CYGB: variants seen among roughly 807,000 people sequenced by gnomAD.
CYGB encodes histoglobin.
In CYGB, 13 loss-of-function variants were observed where a neutral mutation model predicts 20.7. The observed-to-expected ratio is 0.63, with a 90% confidence interval of 0.41 to 1.00. The LOEUF (loss-of-function observed/expected upper bound fraction) is 1.00, where lower values mean the gene tolerates loss of function less well. Among genes scored for constraint, CYGB ranks in the 50% least tolerant of loss-of-function variants. The pLI is 0.00. For missense variants in CYGB, 218 were observed against 257.2 expected, an observed-to-expected ratio of 0.85 and a Z score of 1.04; for synonymous variants, 93 against 107.4, an observed-to-expected ratio of 0.87 and a Z score of 0.83.
At chr17:76,540,419 T>C (rs1177613535), upstream of CYGB, 1 of 1,454,844 alleles carries the variant, frequency 6.9e-7, no homozygotes, top group Non-Finnish European at 9.7e-7. This position sits in a 1 kb window ranked among gnomAD's most constrained non-coding sequence, Gnocchi z 5.0. Context: ...TCTACTCCCA[T>C]AGCCCAATGC....
Position 76,546,201 on chromosome 17 carries a change from A to AG in CYGB, c.-53+4660dup, listed in dbSNP as rs1407018584. On this transcript the variant is annotated intron_variant, in intron 1 of 3. Coordinates refer to the CYGB transcript ENST00000589145. This position sits in a 1 kb window ranked among gnomAD's most constrained non-coding sequence, Gnocchi z 4.5. ...TGAGTGACGGGGAAAGGCTGCTTGGAGCTGCAGGGCGGCTGAGGGCAGCAA... is the reference window on the plus strand; with the variant it reads ...TGAGTGACGGGGAAAGGCTGCTTGGAGGCTGCAGGGCGGCTGAGGGCAGCAA... The AG allele has an allele frequency of 1.3e-5, 2 of 152,472 alleles. No individual in the cohort carries two copies. Among genetic ancestry groups the AG allele is most frequent in the African/African-American group, 4.8e-5 (2 of 41,502 alleles). 9.4% of individuals were successfully genotyped at this position (152,472 alleles called of 1,614,324 possible). A position where few individuals can be genotyped will look rare whatever the true frequency, so the allele number is the denominator to read the frequency against.
upstream of CYGB, chr17:76,538,156 G>T (rs888096691): frequency 6.3e-6 from 1 of 159,482 alleles, no homozygotes; most frequent in African/African-American, 2.4e-5. Context: ...GAGCTTTCGC[G>T]GCGAGGCCGA....
At chr17:76,549,507 T>TCATA (rs1205245862) in intron 1 of CYGB, among the ~76,000 whole-genome samples, 1 of 152,210 alleles carries the variant, frequency 6.6e-6, no homozygotes, top group Non-Finnish European at 1.5e-5. Context: ...TGTCACCCTG[T>TCATA]CATACACGGC....
At chr17:76,544,749 ATTC>A (rs1282057765) in intron 1 of CYGB, 7 of 456,700 alleles carry the variant, frequency 1.5e-5, no homozygotes, top group South Asian at 7.7e-5. Flanking sequence ...ATCTGCATTT[ATTC>A]TCTATTTGCC....
At chr17:76,540,386 C>A, upstream of CYGB, 3 of 1,326,482 alleles carry the variant, frequency 2.3e-6, no homozygotes, top group Admixed American at 1.7e-5. This position sits in a 1 kb window ranked among gnomAD's most constrained non-coding sequence, Gnocchi z 5.0. Context: ...GGACTTAGAG[C>A]TTCAAAGGCT....
chr17:76,531,575 C>G lies in CYGB; in HGVS notation c.260G>C (p.Gly87Ala), dbSNP rs998105163. The G allele has an allele frequency of 3.7e-6, 6 of 1,613,962 alleles. No homozygotes were observed. Among genetic ancestry groups the G allele is most frequent in the Non-Finnish European group, 5.1e-6 (6 of 1,179,910 alleles). Residue 87 changes from glycine (G) to alanine (A), a missense_variant, in exon 2 of 4, where the codon GGG (glycine) becomes GCG (alanine). Transcript: ENST00000293230. The surrounding 1 kb of genome is among the most constrained non-coding windows in gnomAD (Gnocchi z 7.4). Reference protein sequence around the residue: ...QLRKHACRVMGALNTVVENLH... With the variant: ...QLRKHACRVMAALNTVVENLH... The stretch of plus-strand genomic sequence containing the variant: ...GTTCTCCACGACAGTGTTGAGGGCC[C>G]CCATGACTCGGCAGGCGTGCTTCCG...
rs538754183 is a variant in CYGB at position 76,530,256 on chromosome 17, T to G, written c.539+723A>C. 2.0e-5 allele frequency among the ~76,000 whole-genome samples: 3 copies of G among 152,166 alleles called. 1 individual carries two copies. The South Asian group carries it at 6.2e-4, about 32-fold the overall frequency. ...TTCAGCTCCCAGAGTCAGCCTCCCC[T>G]TGGGGGCCCAGGGAGGCCGAGTGTT... On this transcript the variant is annotated intron_variant, in intron 3 of 3. Coordinates refer to ENST00000293230, the MANE Select transcript of CYGB (RefSeq NM_134268.5). The surrounding 1 kb of genome is among the most constrained non-coding windows in gnomAD (Gnocchi z 6.1).
upstream of CYGB, among the ~76,000 whole-genome samples, chr17:76,538,935 T>C (rs1304381340): frequency 6.6e-6 from 1 of 152,252 alleles, no homozygotes; most frequent in African/African-American, 2.4e-5. Flanking sequence ...CATGTATTTA[T>C]TCTTAAAATC....
At chr17:76,537,291 C>T in intron 1 of CYGB, 109 bp downstream of exon 1, 1 of 1,265,722 alleles carries the variant, frequency 7.9e-7, no homozygotes, top group Non-Finnish European at 1.0e-6. Context: ...CGGCCCCATT[C>T]GCGGCTGGGG....
rs369705030 is a variant in CYGB, at chr17:76,531,558, C to T, written c.277G>A (p.Val93Met). ...CRVMGALNTVVENLHDPDKVS... is the reference protein window; with the variant it reads ...CRVMGALNTVMENLHDPDKVS... Reference sequence around the variant, plus strand: ...TTGTCGGGGTCATGCAGGTTCTCCACGACAGTGTTGAGGGCCCCCATGACT... The same window carrying T: ...TTGTCGGGGTCATGCAGGTTCTCCATGACAGTGTTGAGGGCCCCCATGACT... The change falls in exon 2 of 4, where the codon GTG becomes ATG. Residue 93 changes from valine to methionine, a missense_variant. Coordinates refer to ENST00000293230, the MANE Select transcript of CYGB (RefSeq NM_134268.5). This position sits in a 1 kb window ranked among gnomAD's most constrained non-coding sequence, Gnocchi z 7.4. 4.7e-5 allele frequency: 76 copies of T among 1,614,054 alleles called. 2 individuals carry two copies. Among genetic ancestry groups the T allele is most frequent in the Non-Finnish European group, 6.0e-5 (71 of 1,179,986 alleles).
At position 76,531,645 on chromosome 17, in the gene CYGB, T is replaced by C; in HGVS notation, c.190A>G (p.Lys64Glu). ...ATCTCCAGGGGATCCTCCATGTGCT[T>C]GAACTGGCTGAAGTACTGCTTGGCC... Reference protein sequence around the residue: ...PSAKQYFSQFKHMEDPLEMER... With the variant: ...PSAKQYFSQFEHMEDPLEMER... The change falls in exon 2 of 4, where the codon AAG (lysine) becomes GAG (glutamate). Residue 64 changes from lysine to glutamate, a missense_variant. This residue lies in a region of CYGB where 152 missense variants were observed against 149.9 expected (regional missense o/e 1.01). Coordinates refer to ENST00000293230, the MANE Select transcript of CYGB (RefSeq NM_134268.5). This position sits in a 1 kb window ranked among gnomAD's most constrained non-coding sequence, Gnocchi z 7.4. 6.2e-7 allele frequency: 1 copy of C among 1,610,252 alleles called. No homozygotes were observed. The highest frequency in any genetic ancestry group is 8.5e-7 in the Non-Finnish European group (1 of 1,176,706).
Position 76,528,073 on chromosome 17 carries a change from C to G in CYGB, c.*505G>C. On this transcript the variant is annotated 3_prime_UTR_variant, in exon 4 of 4. Coordinates refer to ENST00000293230, the MANE Select transcript of CYGB (RefSeq NM_134268.5). The surrounding 1 kb of genome is among the most constrained non-coding windows in gnomAD (Gnocchi z 5.8). ...CTGCCCCACTCACAGGTGGGCCAAACCGAGGCTTCTGGGCGCCGCGGATAC... is the reference window on the plus strand; with the variant it reads ...CTGCCCCACTCACAGGTGGGCCAAAGCGAGGCTTCTGGGCGCCGCGGATAC... 2.7e-6 allele frequency: 1 copy of G among 364,096 alleles called. No homozygotes were observed. The highest frequency in any genetic ancestry group is 5.1e-6 in the Non-Finnish European group (1 of 194,248). 22.6% of individuals were successfully genotyped at this position (364,096 alleles called of 1,614,324 possible).
upstream of CYGB, chr17:76,540,270 G>GGC: frequency 9.7e-7 from 1 of 1,026,284 alleles, no homozygotes; most frequent in East Asian, 2.6e-5. The surrounding 1 kb of genome is among the most constrained non-coding windows in gnomAD (Gnocchi z 5.0). Flanking sequence ...GGGGCATGGG[G>GGC]CTGGGCTGCC....
In CYGB at chr17:76,532,710, T is replaced by A. The variant is rs562128261; in HGVS notation, c.144-1019A>T. Among the ~76,000 whole-genome samples, 89 of 152,178 alleles carry A rather than the reference T, an allele frequency of 5.8e-4. No individual in the cohort carries two copies. In the South Asian group the frequency reaches 7.5e-3, roughly 13 times the overall value. On this transcript the variant is annotated intron_variant, in intron 1 of 3. Transcript: ENST00000293230. ...CCACGCCCGGCTAGCTAATTTTTTG[T>A]ATTTTTAGTAGAGACAGGGTTTCAC... is the stretch of plus-strand genomic sequence containing the variant.
intron 1 of CYGB, chr17:76,542,962 C>T: frequency 2.0e-6 from 1 of 509,202 alleles, no homozygotes; most frequent in Non-Finnish European, 4.0e-6. Flanking sequence ...GAAACATCCA[C>T]TCTGAAATGC....
intron 3 of CYGB, chr17:76,529,367 A>G (rs1031359691): frequency 6.2e-5 from 61 of 985,248 alleles, no homozygotes; most frequent in Non-Finnish European, 7.0e-5. Flanking sequence ...TCAGTCCACA[A>G]GGAGCAGAAG....
chr17:76,529,556 TA>T (rs112338038), intron 3 of CYGB: 1 of 985,318 alleles, frequency 1.0e-6, no homozygotes, highest in Non-Finnish European at 1.2e-6. Context: ...TTGGCCCTTG[TA>T]AAAAAGCCCT....
At chr17:76,548,828 T>A (rs577799211) in intron 1 of CYGB, among the ~76,000 whole-genome samples, 83 of 152,258 alleles carry the variant, frequency 5.5e-4, no homozygotes, top group Middle Eastern at 6.8e-3. Context: ...GGGCAAGATA[T>A]AAGCAGCAGA....
chr17:76,550,623 G>C, intron 1 of CYGB: 1 of 152,124 alleles, frequency 6.6e-6, no homozygotes, highest in East Asian at 1.9e-4. Flanking sequence ...TGGTTACATG[G>C]GTCTATACAC....
Sources: allele counts gnomAD v4.1 joint callset (sites outside exome capture counted in the v4.1 genomes callset), GRCh38; gene constraint gnomAD v4.1.1; regional missense constraint gnomAD v4.1.1; non-coding constraint Gnocchi (gnomAD v3.1); transcripts MANE v1.5; gene names NCBI Gene and HGNC (gene_info 2026-07-23, HGNC 2026-07-21).